PCDHA10: variants seen among roughly 807,000 people sequenced by gnomAD.
PCDHA10 encodes the protein protocadherin alpha-10.
A neutral mutation model predicts 61.2 loss-of-function variants in PCDHA10; 45 were observed. That is an observed-to-expected ratio of 0.74 (90% CI 0.58 to 0.94). The LOEUF (loss-of-function observed/expected upper bound fraction) is 0.94, where lower values mean the gene tolerates loss of function less well. PCDHA10 is among the 40% of genes least tolerant of loss of function. The pLI is 0.00. For missense variants in PCDHA10, 1,278 were observed against 1,236.2 expected, an observed-to-expected ratio of 1.03 and a Z score of -0.51; for synonymous variants, 602 against 548.8, an observed-to-expected ratio of 1.10 and a Z score of -1.35.
intron 3 of PCDHA10, among the ~76,000 whole-genome samples, chr5:140,999,070 T>A (rs930538088): frequency 6.1e-4 from 93 of 152,328 alleles, no homozygotes; most frequent in African/African-American, 2.1e-3. Context: ...GTAGTCTCCT[T>A]CACTTCCTCC....
rs1175289327 is a variant in PCDHA10 at position 140,945,113 on chromosome 5, T to TA, written c.2389-33830dup. ...TAATAAACAAAATAAAGTTGAAAGA[T>TA]AAAAAATCAACTTACAAAAATCAAT... On this transcript the variant is annotated intron_variant, in intron 1 of 3. Coordinates refer to ENST00000307360, the MANE Select transcript of PCDHA10 (RefSeq NM_018901.4). Among the ~76,000 whole-genome samples, 7 of 152,200 alleles carry TA rather than the reference T, an allele frequency of 4.6e-5. No individual in the cohort carries two copies. In the East Asian group the frequency reaches 1.2e-3, roughly 25 times the overall value.
intron 3 of PCDHA10, among the ~76,000 whole-genome samples, chr5:140,995,046 A>C (rs193191582): frequency 1.9e-4 from 29 of 152,184 alleles, no homozygotes; most frequent in Non-Finnish European, 3.7e-4. Context: ...CCTTAACTCT[A>C]CTGAATTTTC....
intron 3 of PCDHA10, 65 bp downstream of exon 3, chr5:140,982,628 G>T: frequency 6.3e-7 from 1 of 1,578,118 alleles, no homozygotes; most frequent in Non-Finnish European, 8.6e-7. Flanking sequence ...ACCTACTTTT[G>T]TAAGATCAGG....
intron 1 of PCDHA10, among the ~76,000 whole-genome samples, chr5:140,921,897 A>G (rs1414353237): frequency 2.0e-5 from 3 of 152,124 alleles, no homozygotes; most frequent in Non-Finnish European, 2.9e-5. Flanking sequence ...AAAGGAGGAT[A>G]AATATATATT....
chr5:140,957,327 A>G (rs1554222920), intron 1 of PCDHA10, among the ~76,000 whole-genome samples: 1 of 152,182 alleles, frequency 6.6e-6, no homozygotes, highest in East Asian at 1.9e-4. Context: ...AGCACAGTAC[A>G]GTAAGATATT....
intron 1 of PCDHA10, 159 bp from the exon 2 acceptor site, chr5:140,978,790 T>C (rs2096823347): frequency 3.1e-6 from 3 of 975,976 alleles, no homozygotes; most frequent in Non-Finnish European, 3.7e-6. Flanking sequence ...TAAAGTGCTA[T>C]ATATGTAGAT....
intron 1 of PCDHA10, chr5:140,883,550 C>A: frequency 6.2e-7 from 1 of 1,614,188 alleles, no homozygotes; most frequent in Non-Finnish European, 8.5e-7. Flanking sequence ...GGTGACCGCG[C>A]GGGACGGGGG....
At chr5:140,882,457 G>A (rs781908788) in intron 1 of PCDHA10, 2 of 1,613,938 alleles carry the variant, frequency 1.2e-6, no homozygotes, top group East Asian at 2.2e-5. Flanking sequence ...TGCCGCGCCT[G>A]TTCCGGGTGG....
chr5:140,869,302 G>A, intron 1 of PCDHA10: 5 of 1,613,642 alleles, frequency 3.1e-6, no homozygotes, highest in Non-Finnish European at 4.2e-6. Flanking sequence ...GTTCCGGGTG[G>A]CGTCCAAAAC....
chr5:140,884,468 C>G, intron 1 of PCDHA10: 4 of 1,613,762 alleles, frequency 2.5e-6, no homozygotes, highest in Non-Finnish European at 3.4e-6. Context: ...CGCGTGCGCG[C>G]CGGGCAAGCC....
intron 1 of PCDHA10, among the ~76,000 whole-genome samples, chr5:140,961,327 AGAGACCAAGAGTG>A (rs1375426442): frequency 6.6e-6 from 1 of 152,206 alleles, no homozygotes. Context: ...CTGTTTCTTG[AGAGACCAAGAGTG>A]GATCCCTGTA....
intron 1 of PCDHA10, among the ~76,000 whole-genome samples, chr5:140,899,664 G>A (rs1263525075): frequency 2.0e-5 from 3 of 152,126 alleles, no homozygotes; most frequent in African/African-American, 4.8e-5. Context: ...GTCTCTGCCC[G>A]GCTTTGGTAT....
chr5:140,987,858 T>C (rs1203158352), intron 3 of PCDHA10, among the ~76,000 whole-genome samples: 1 of 152,142 alleles, frequency 6.6e-6, no homozygotes, highest in African/African-American at 2.4e-5. Context: ...CCACATCTCT[T>C]TACTCTGTGG....
chr5:141,002,806 G>T (rs1341419225), intron 3 of PCDHA10, among the ~76,000 whole-genome samples: 1 of 152,162 alleles, frequency 6.6e-6, no homozygotes, highest in Non-Finnish European at 1.5e-5. Context: ...GGAAACTGAG[G>T]CTCAGAGATA....
chr5:140,954,316 C>T (rs1406547197), intron 1 of PCDHA10, among the ~76,000 whole-genome samples: 6 of 152,140 alleles, frequency 3.9e-5, no homozygotes, highest in South Asian at 4.1e-4. Context: ...GGGATTGCTG[C>T]GTCAAATGGT....
At chr5:140,877,930 C>T (rs2057400413) in intron 1 of PCDHA10, 1 of 1,411,700 alleles carries the variant, frequency 7.1e-7, no homozygotes, top group East Asian at 2.5e-5. Flanking sequence ...CTTTATGATT[C>T]TATCCTTTAA....
chr5:140,982,795 ATG>A (rs60616196), intron 3 of PCDHA10, among the ~76,000 whole-genome samples: 18 of 151,504 alleles, frequency 1.2e-4, no homozygotes, highest in African/African-American at 3.2e-4. Flanking sequence ...GCATGTGTGC[ATG>A]TGTGTGTGTG....
Position 141,010,254 on chromosome 5 carries a change from C to T in PCDHA10, c.*317C>T. Reference sequence around the variant, plus strand: ...GCCAGTGAGAGGTTGGACTCTCTGCCCTGTGCTCCGGGGATCCTGTCTTGA... The same window carrying T: ...GCCAGTGAGAGGTTGGACTCTCTGCTCTGTGCTCCGGGGATCCTGTCTTGA... On this transcript the variant is annotated 3_prime_UTR_variant, in exon 4 of 4. Transcript: ENST00000307360. The T allele has an allele frequency of 6.4e-7, 1 of 1,551,810 alleles. No individual in the cohort carries two copies. Among genetic ancestry groups the T allele is most frequent in the Non-Finnish European group, 8.7e-7 (1 of 1,147,018 alleles).
intron 3 of PCDHA10, among the ~76,000 whole-genome samples, chr5:140,994,222 CTA>C (rs1219184690): frequency 6.6e-6 from 1 of 152,168 alleles, no homozygotes; most frequent in Non-Finnish European, 1.5e-5. Context: ...CAGGGTCTGT[CTA>C]TGTTATAATC....
Sources: gnomAD v4.1 joint callset for allele counts (sites outside exome capture counted in the v4.1 genomes callset) on GRCh38, gnomAD v4.1.1 for gene constraint, MANE v1.5 for transcripts, NCBI Gene and HGNC (gene_info 2026-07-23, HGNC 2026-07-21) for gene names.